The following ADAMTS19 variants were observed in gnomAD, a reference collection of about 807,000 sequenced individuals.
ADAMTS19 encodes the protein A disintegrin and metalloproteinase with thrombospondin motifs 19.
ADAMTS19 carries 93 observed loss-of-function variants against 153.3 expected under a neutral mutation model. The observed-to-expected ratio is 0.61, with a 90% CI of 0.51 to 0.72. The LOEUF (loss-of-function observed/expected upper bound fraction) is 0.72. ADAMTS19 is among the 30% of genes least tolerant of loss of function. The pLI, the probability that ADAMTS19 is intolerant of heterozygous loss-of-function variation, is 0.00. For synonymous variants in ADAMTS19, 600 were observed against 556.6 expected, an observed-to-expected ratio of 1.08 and a Z score of -1.10; for missense variants, 1,482 against 1,552.1, an observed-to-expected ratio of 0.95 and a Z score of 0.76.
At chr5:129,528,312 C>A (rs2126767814) in intron 5 of ADAMTS19, among the ~76,000 whole-genome samples, 1 of 152,052 alleles carries the variant, frequency 6.6e-6, no homozygotes, top group African/African-American at 2.4e-5. Context: ...TACCATTAAA[C>A]AAATTTTGTA....
chr5:129,698,358 T>G (rs1755659633), intron 19 of ADAMTS19, among the ~76,000 whole-genome samples: 1 of 152,210 alleles, frequency 6.6e-6, no homozygotes, highest in South Asian at 2.1e-4. Context: ...TCTTTCCCCT[T>G]TCTCCAACCT....
At chr5:129,683,985 C>A in intron 17 of ADAMTS19, 135 bp from the exon 18 acceptor site, 2 of 921,070 alleles carry the variant, frequency 2.2e-6, no homozygotes, top group Non-Finnish European at 3.2e-6. Flanking sequence ...AAGGGTATGT[C>A]CACAACAGCA....
At chr5:129,687,896 T>C (rs1299492250) in intron 18 of ADAMTS19, among the ~76,000 whole-genome samples, 1 of 152,208 alleles carries the variant, frequency 6.6e-6, no homozygotes, top group East Asian at 1.9e-4. Context: ...TTATTTTTAC[T>C]TCAAATGGCT....
intron 2 of ADAMTS19, among the ~76,000 whole-genome samples, chr5:129,488,007 G>A (rs1264738992): frequency 6.6e-6 from 1 of 151,990 alleles, no homozygotes; most frequent in East Asian, 1.9e-4. Flanking sequence ...TAAATTGCAA[G>A]ATCAAAAGAA....
intron 20 of ADAMTS19, among the ~76,000 whole-genome samples, chr5:129,702,941 A>AAAAAAAAAAAATATATAT: frequency 6.8e-5 from 2 of 29,306 alleles, no homozygotes; most frequent in African/African-American, 1.7e-4. Flanking sequence ...AAAAAAAAAA[A>AAAAAAAAAAAATATATAT]ATATATATAT....
At chr5:129,662,580 A>C (rs959995915) in intron 15 of ADAMTS19, among the ~76,000 whole-genome samples, 2 of 152,238 alleles carry the variant, frequency 1.3e-5, no homozygotes, top group African/African-American at 4.8e-5. Flanking sequence ...CTCAGAGAGT[A>C]CTATTAAACT....
intron 21 of ADAMTS19, among the ~76,000 whole-genome samples, chr5:129,730,556 A>G (rs999307966): frequency 2.6e-5 from 4 of 152,180 alleles, no homozygotes; most frequent in African/African-American, 9.6e-5. Flanking sequence ...GCAAATAGTA[A>G]TACATAATTT....
At chr5:129,475,105 C>CT (rs201912606) in intron 2 of ADAMTS19, among the ~76,000 whole-genome samples, 28,322 of 143,160 alleles carry the variant, frequency 0.2, 4,170 homozygotes, top group African/African-American at 0.42. Flanking sequence ...TCTAGTTTAT[C>CT]TTTTTTTTTT....
chr5:129,680,236 G>C (rs1320465634), intron 17 of ADAMTS19, among the ~76,000 whole-genome samples: 1 of 152,092 alleles, frequency 6.6e-6, no homozygotes, highest in Non-Finnish European at 1.5e-5. Flanking sequence ...TCTATGAAGA[G>C]AGTACTATAA....
chr5:129,610,841 T>C (rs1261893118), intron 8 of ADAMTS19, among the ~76,000 whole-genome samples: 1 of 152,160 alleles, frequency 6.6e-6, no homozygotes, highest in Non-Finnish European at 1.5e-5. Flanking sequence ...TATTTCTAGT[T>C]CTAGATCCCT....
intron 21 of ADAMTS19, among the ~76,000 whole-genome samples, chr5:129,710,707 A>G (rs925931972): frequency 1.3e-5 from 2 of 152,324 alleles, no homozygotes; most frequent in South Asian, 2.1e-4. Context: ...TGTCAGACTT[A>G]TCACAGTTGG....
At chr5:129,625,519 G>C (rs1484614092) in intron 10 of ADAMTS19, among the ~76,000 whole-genome samples, 3 of 152,130 alleles carry the variant, frequency 2.0e-5, no homozygotes, top group Non-Finnish European at 4.4e-5. Flanking sequence ...ACTTTTTAAT[G>C]ATTGCCATTC....
chr5:129,714,387 CCGCAG>C, intron 21 of ADAMTS19, among the ~76,000 whole-genome samples: 1 of 145,624 alleles, frequency 6.9e-6, no homozygotes, highest in Non-Finnish European at 1.5e-5. Context: ...CCACTGCAGT[CCGCAG>C]TCCGGCCTGG....
chr5:129,708,434 T>G (rs1238681140), intron 21 of ADAMTS19, among the ~76,000 whole-genome samples: 1 of 152,102 alleles, frequency 6.6e-6, no homozygotes, highest in East Asian at 1.9e-4. Flanking sequence ...TTCACTCATT[T>G]AAGCTCTTCT....
intron 2 of ADAMTS19, among the ~76,000 whole-genome samples, chr5:129,463,399 A>G (rs1185418043): frequency 6.6e-6 from 1 of 152,204 alleles, no homozygotes; most frequent in Non-Finnish European, 1.5e-5. Flanking sequence ...TATTTATAAA[A>G]AAAGAATTAT....
intron 2 of ADAMTS19, among the ~76,000 whole-genome samples, chr5:129,488,752 T>A (rs1750674856): frequency 1.3e-5 from 2 of 152,054 alleles, no homozygotes; most frequent in African/African-American, 2.4e-5. Context: ...AAAAATGACA[T>A]GGTGGAAGTG....
At chr5:129,559,301 A>G (rs1274110463) in intron 7 of ADAMTS19, among the ~76,000 whole-genome samples, 1 of 152,110 alleles carries the variant, frequency 6.6e-6, no homozygotes, top group Non-Finnish European at 1.5e-5. Context: ...CTAAATCAGT[A>G]AGTAAGAAAC....
chr5:129,679,015 A>T (rs1343997550), intron 16 of ADAMTS19, among the ~76,000 whole-genome samples: 45 of 152,186 alleles, frequency 3.0e-4, no homozygotes, highest in Non-Finnish European at 1.5e-4. Context: ...AAAATATTTT[A>T]AAAACTTAAT....
intron 7 of ADAMTS19, among the ~76,000 whole-genome samples, chr5:129,580,469 G>A (rs1749459540): frequency 6.6e-6 from 1 of 152,058 alleles, no homozygotes; most frequent in Admixed American, 6.6e-5. Flanking sequence ...TCCAATATAT[G>A]TTAAATAGGA....
Sources: allele counts gnomAD v4.1 joint callset (sites outside exome capture counted in the v4.1 genomes callset), GRCh38; gene constraint gnomAD v4.1.1; transcripts MANE v1.5; gene names NCBI Gene and HGNC (gene_info 2026-07-23, HGNC 2026-07-21).